CYBA: variants seen among roughly 807,000 people sequenced by gnomAD.
The protein encoded by CYBA is cytochrome b-245 light chain.
In CYBA, 21 loss-of-function variants were observed where a neutral mutation model predicts 20.8. The observed-to-expected ratio is 1.01, with a 90% CI of 0.72 to 1.46. The LOEUF (loss-of-function observed/expected upper bound fraction) is 1.46, where lower values mean the gene tolerates loss of function less well. Among genes scored for constraint, CYBA ranks in the 40% most tolerant of loss-of-function variants. The pLI, the probability that CYBA is intolerant of heterozygous loss-of-function variation, is 0.00. For synonymous variants in CYBA, 164 were observed against 127.5 expected, an observed-to-expected ratio of 1.29 and a Z score of -1.93; for missense variants, 344 against 287.0, an observed-to-expected ratio of 1.20 and a Z score of -1.43.
intron 2 of CYBA, 120 bp downstream of exon 2, chr16:88,647,925 A>G: frequency 4.0e-6 from 4 of 1,011,366 alleles, no homozygotes; most frequent in Non-Finnish European, 6.0e-6. Context: ...TGCACAGCCC[A>G]CCCTGTGTCC....
At chr16:88,650,317 T>TGCCC (rs1567610579) in intron 1 of CYBA, 1 of 452,370 alleles carries the variant, frequency 2.2e-6, no homozygotes, top group Non-Finnish European at 4.5e-6. Context: ...TGGAGTCCGC[T>TGCCC]GCCCTCACCA....
Position 88,643,918 on chromosome 16 carries a change from G to A in CYBA, c.370-347C>T, listed in dbSNP as rs1188020193. On this transcript the variant is annotated intron_variant, in intron 5 of 5. Coordinates refer to ENST00000261623, the MANE Select transcript of CYBA (RefSeq NM_000101.4). This position sits in a 1 kb window ranked among gnomAD's most constrained non-coding sequence, Gnocchi z 4.3. ...AGGGAAGGCAGGGAGGCAGGCCCGA[G>A]GTCCAGCAGGAGGGGTGGCCCAGGA... 6.6e-6 allele frequency among the ~76,000 whole-genome samples: 1 copy of A among 152,200 alleles called. No individual in the cohort carries two copies. The highest frequency in any genetic ancestry group is 1.5e-5 in the Non-Finnish European group (1 of 68,028).
intron 3 of CYBA, 51 bp downstream of exon 3, chr16:88,647,050 T>C: frequency 6.5e-7 from 1 of 1,539,006 alleles, no homozygotes; most frequent in Non-Finnish European, 8.9e-7. Flanking sequence ...CTGTGAGCCC[T>C]GCCTGGGCCC....
Position 88,646,127 on chromosome 16 carries a change from T to G in CYBA, c.358A>C (p.Ile120Leu), listed in dbSNP as rs1486942424. 6.4e-7 allele frequency: 1 copy of G among 1,554,700 alleles called. No individual in the cohort carries two copies. Among genetic ancestry groups the G allele is most frequent in the Non-Finnish European group, 8.7e-7 (1 of 1,150,850 alleles). Residue 120 changes from isoleucine to leucine, a missense_variant, in exon 5 of 6, where the codon ATC becomes CTC. Ile to Leu is a conservative substitution (Grantham distance 5). Transcript: ENST00000261623. The stretch of plus-strand genomic sequence containing the variant: ...AGGGCGCCACTCACCAGTAGGTAGA[T>G]GCCGCTCGCAATGGCCAGGCAGGCG... ...GTACLAIASG[I>L]YLLAAVRGEQ...
rs554489468 is a variant in CYBA at position 88,648,762 on chromosome 16, C to T, written c.59-648G>A. Among the ~76,000 whole-genome samples, 94 of 151,000 alleles carry T rather than the reference C, an allele frequency of 6.2e-4. 2 individuals carry two copies. In the East Asian group the frequency reaches 0.014, roughly 23 times the overall value. On this transcript the variant is annotated intron_variant, in intron 1 of 5. Transcript: ENST00000261623. The stretch of plus-strand genomic sequence containing the variant: ...CCTCCTGAGTAGCTGGGACTACAGG[C>T]GCCCGCCACCATGCCCAGCTAATTT...
At chr16:88,645,063 C>A (rs975822551) in intron 5 of CYBA, 5 of 652,032 alleles carry the variant, frequency 7.7e-6, no homozygotes, top group Non-Finnish European at 1.4e-5. Flanking sequence ...TGCTGAGGAG[C>A]AGCTGAGCCC....
chr16:88,645,624 G>C (rs867451172), intron 5 of CYBA: 1 of 596,884 alleles, frequency 1.7e-6, no homozygotes, highest in South Asian at 2.0e-5. Context: ...TGTATCCCAT[G>C]GGATGGGCAG....
intron 5 of CYBA, among the ~76,000 whole-genome samples, chr16:88,644,553 G>T (rs1229072045): frequency 6.6e-6 from 1 of 152,228 alleles, no homozygotes; most frequent in Admixed American, 6.5e-5. Flanking sequence ...GGCCGGGCGC[G>T]GTGGCTCACG....
At chr16:88,646,089 G>C (rs1489716394) in intron 5 of CYBA, 27 bp downstream of exon 5, 2 of 1,539,994 alleles carry the variant, frequency 1.3e-6, no homozygotes, top group East Asian at 2.4e-5. Flanking sequence ...GGGGTGGCCG[G>C]GGCCGACCTC....
rs201755210 is a variant in CYBA at position 88,646,192 on chromosome 16, G to A, written c.293C>T (p.Ser98Leu). 1.3e-4 allele frequency: 206 copies of A among 1,552,744 alleles called. No homozygotes were observed. The highest frequency in any genetic ancestry group is 8.4e-4 in the Middle Eastern group (5 of 5,936). Residue 98 changes from serine (S) to leucine (L), a missense_variant, in exon 5 of 6, where the codon TCG (serine) becomes TTG (leucine). Physicochemically the swap from Ser to Leu is moderately radical, Grantham distance 145 (BLOSUM62 -2). Coordinates refer to ENST00000261623, the MANE Select transcript of CYBA (RefSeq NM_000101.4). ...GGCCAGCAGGAAGCCGGCGGGCACC[G>A]AGAGCCTGGGGGACAGCGGGTGAGA... ...YVRAVLHLLL[S>L]VPAGFLLATI... is the part of the protein sequence containing the mutation.
intron 5 of CYBA, chr16:88,645,471 T>C: frequency 1.4e-6 from 1 of 698,506 alleles, no homozygotes; most frequent in Non-Finnish European, 2.6e-6. Flanking sequence ...CTGAGGGCTC[T>C]GTCCACCCAG....
At chr16:88,647,604 G>T in intron 2 of CYBA, 1 of 366,894 alleles carries the variant, frequency 2.7e-6, no homozygotes, top group Non-Finnish European at 5.3e-6. Context: ...GGTTCCAACA[G>T]GTCTGGCACT....
At chr16:88,649,121 T>C (rs1188512597) in intron 1 of CYBA, among the ~76,000 whole-genome samples, 1 of 149,452 alleles carries the variant, frequency 6.7e-6, no homozygotes, top group Non-Finnish European at 1.5e-5. Context: ...GTATTTTTAG[T>C]AGAGACGGGG....
chr16:88,648,463 C>T (rs1000370025), intron 1 of CYBA, among the ~76,000 whole-genome samples: 43 of 152,284 alleles, frequency 2.8e-4, no homozygotes, highest in African/African-American at 9.1e-4. Flanking sequence ...GCTAACAGGC[C>T]GAGTGTGGTT....
intron 5 of CYBA, chr16:88,645,636 C>T: frequency 1.7e-6 from 1 of 594,240 alleles, no homozygotes; most frequent in Non-Finnish European, 3.0e-6. Context: ...GATGGGCAGC[C>T]TTCTAACAGG....
At position 88,643,715 on chromosome 16, in the gene CYBA, G is replaced by C. The variant is rs1429365862; in HGVS notation, c.370-144C>G. 5 of 811,592 alleles carry C rather than the reference G, an allele frequency of 6.2e-6. No individual in the cohort carries two copies. Among genetic ancestry groups the C allele is most frequent in the Admixed American group, 2.2e-5 (1 of 45,528 alleles). The allele number at this position is 811,592 out of a possible 1,614,324, so 50.3% of individuals were successfully genotyped here. ...GGATGGTGTGACTGCCACTCAGAGA[G>C]GTTAAGTGACGCGCCCGAGGCCACA... On this transcript the variant is annotated intron_variant, in intron 5 of 5. Coordinates refer to ENST00000261623, the MANE Select transcript of CYBA (RefSeq NM_000101.4). This position sits in a 1 kb window ranked among gnomAD's most constrained non-coding sequence, Gnocchi z 4.3.
At position 88,647,096 on chromosome 16, in the gene CYBA, C is replaced by T. The variant is rs200590340; in HGVS notation, c.203+5G>A. On this transcript the variant is annotated splice_donor_5th_base_variant and intron_variant, in intron 3 of 5. Coordinates refer to ENST00000261623, the MANE Select transcript of CYBA (RefSeq NM_000101.4). The stretch of plus-strand genomic sequence containing the variant: ...GGAGAGACCCCAGAGCAGGAGGAGA[C>T]TCACCAGCGCTCCATGGTGGAGCCC... The T allele has an allele frequency of 8.7e-4, 1,407 of 1,609,676 alleles. 2 individuals are homozygous for T. Among genetic ancestry groups the T allele is most frequent in the Non-Finnish European group, 1.2e-3 (1,380 of 1,178,846 alleles).
intron 5 of CYBA, 186 bp downstream of exon 5, chr16:88,645,930 C>T (rs1024828010): frequency 7.2e-5 from 44 of 611,672 alleles, no homozygotes; most frequent in Admixed American, 7.1e-4. Flanking sequence ...ACACTAGACA[C>T]GCCAAAAATG....
chr16:88,649,075 C>G (rs1907402432), intron 1 of CYBA, among the ~76,000 whole-genome samples: 1 of 151,726 alleles, frequency 6.6e-6, no homozygotes, highest in Non-Finnish European at 1.5e-5. Context: ...GTAGCTGGGA[C>G]TATGCGCGCC....
Sources: gnomAD v4.1 joint callset for allele counts (sites outside exome capture counted in the v4.1 genomes callset) on GRCh38, gnomAD v4.1.1 for gene constraint, Gnocchi (gnomAD v3.1) non-coding constraint, MANE v1.5 for transcripts, NCBI Gene and HGNC (gene_info 2026-07-23, HGNC 2026-07-21) for gene names.